RELN: variants seen among roughly 807,000 people sequenced by gnomAD.
The protein encoded by RELN is reelin.
A neutral mutation model predicts 427.6 loss-of-function variants in RELN; 108 were observed. The observed-to-expected ratio is 0.25, with a 90% CI of 0.22 to 0.30. RELN has a LOEUF of 0.30. Among genes scored for constraint, RELN ranks in the 10% least tolerant of loss-of-function variants. The pLI is 1.00. For missense variants in RELN, 3,715 were observed against 4,302.8 expected (o/e 0.86, Z 3.82); for synonymous variants, 1,524 against 1,513.4 (o/e 1.01, Z -0.16).
intron 4 of RELN, among the ~76,000 whole-genome samples, chr7:103,754,442 T>A (rs1363423748): frequency 6.6e-6 from 1 of 151,672 alleles, no homozygotes; most frequent in Non-Finnish European, 1.5e-5. Context: ...GTGGTGGAGT[T>A]ACAAAAGGAA....
intron 28 of RELN, among the ~76,000 whole-genome samples, chr7:103,581,704 G>A (rs1345638500): frequency 6.6e-6 from 1 of 152,062 alleles, no homozygotes; most frequent in Non-Finnish European, 1.5e-5. Context: ...TTTAAATCTA[G>A]ACTGACTTTG....
intron 31 of RELN, among the ~76,000 whole-genome samples, chr7:103,570,793 AG>A (rs1830865416): frequency 6.6e-6 from 1 of 152,220 alleles, no homozygotes. Context: ...AATGTAGCAC[AG>A]GGGAGAAATC....
intron 3 of RELN, among the ~76,000 whole-genome samples, chr7:103,800,574 T>C (rs1405383430): frequency 6.6e-6 from 1 of 152,132 alleles, no homozygotes. Context: ...TATACAAAAA[T>C]TAATTCAAGA....
At chr7:103,698,738 C>A (rs1346229865) in intron 9 of RELN, among the ~76,000 whole-genome samples, 1 of 151,938 alleles carries the variant, frequency 6.6e-6, no homozygotes. Context: ...TGGTCTCAAA[C>A]TCCTGGGCTC....
chr7:103,677,966 G>C (rs567169716), intron 11 of RELN, among the ~76,000 whole-genome samples: 1 of 151,928 alleles, frequency 6.6e-6, no homozygotes, highest in Admixed American at 6.6e-5. Flanking sequence ...GCTCTCTCTG[G>C]TCCAACTACA....
chr7:103,647,297 T>C (rs988263585), intron 16 of RELN, among the ~76,000 whole-genome samples: 1 of 152,008 alleles, frequency 6.6e-6, no homozygotes, highest in Non-Finnish European at 1.5e-5. Context: ...TATGATCTTA[T>C]ACCTAAAAAA....
At chr7:103,515,739 T>C (rs1267456144) in intron 49 of RELN, among the ~76,000 whole-genome samples, 1 of 152,186 alleles carries the variant, frequency 6.6e-6, no homozygotes, top group African/African-American at 2.4e-5. Context: ...ACCTGGTGGG[T>C]ATCTGTAGGC....
At chr7:103,875,266 C>A (rs997629290) in intron 2 of RELN, among the ~76,000 whole-genome samples, 2 of 150,106 alleles carry the variant, frequency 1.3e-5, no homozygotes, top group African/African-American at 4.9e-5. Context: ...TAGAAGAAAA[C>A]CTAGGCATTA....
intron 10 of RELN, among the ~76,000 whole-genome samples, chr7:103,697,005 T>C (rs1833990447): frequency 6.6e-6 from 1 of 152,196 alleles, no homozygotes; most frequent in African/African-American, 2.4e-5. Context: ...CCAAGACTTT[T>C]ACTTTGTGCT....
At chr7:103,599,912 T>C (rs1831624971) in intron 24 of RELN, among the ~76,000 whole-genome samples, 1 of 152,144 alleles carries the variant, frequency 6.6e-6, no homozygotes, top group Non-Finnish European at 1.5e-5. Flanking sequence ...TATTTATTTA[T>C]TTGAGACAGG....
At chr7:103,791,667 T>C (rs1792164495) in intron 3 of RELN, among the ~76,000 whole-genome samples, 1 of 152,074 alleles carries the variant, frequency 6.6e-6, no homozygotes, top group African/African-American at 2.4e-5. Flanking sequence ...CATGACTTGA[T>C]ACTTGGCAGC....
intron 2 of RELN, among the ~76,000 whole-genome samples, chr7:103,893,189 C>T (rs984457916): frequency 6.6e-6 from 1 of 152,132 alleles, no homozygotes; most frequent in African/African-American, 2.4e-5. Flanking sequence ...CAGCACTCAG[C>T]TAGGGAGAGC....
At chr7:103,657,841 G>C (rs1454501307) in intron 12 of RELN, among the ~76,000 whole-genome samples, 1 of 152,110 alleles carries the variant, frequency 6.6e-6, no homozygotes, top group African/African-American at 2.4e-5. Flanking sequence ...GAGGCATCTT[G>C]TACAGAAATT....
At chr7:103,637,948 G>A (rs993748838) in intron 17 of RELN, among the ~76,000 whole-genome samples, 2 of 152,110 alleles carry the variant, frequency 1.3e-5, no homozygotes, top group African/African-American at 4.8e-5. Flanking sequence ...ACTGGTGATC[G>A]TTTAGAGATG....
chr7:103,932,209 G>T (rs764883124), intron 1 of RELN, among the ~76,000 whole-genome samples: 2 of 152,216 alleles, frequency 1.3e-5, no homozygotes, highest in Non-Finnish European at 2.9e-5. Context: ...CACAGCCATA[G>T]AAAAGAACAA....
chr7:103,700,657 A>C (rs1834070684), intron 9 of RELN, among the ~76,000 whole-genome samples: 2 of 152,148 alleles, frequency 1.3e-5, no homozygotes, highest in Admixed American at 1.3e-4. Context: ...ATGATTGCAA[A>C]TTTACTTTTA....
chr7:103,771,888 A>G (rs758734035), intron 4 of RELN, among the ~76,000 whole-genome samples: 1 of 152,156 alleles, frequency 6.6e-6, no homozygotes, highest in Non-Finnish European at 1.5e-5. Flanking sequence ...CTGCCTGTCC[A>G]TCATCTGCCT....
In RELN at chr7:103,698,001, T is replaced by G. The variant is rs964674328; in HGVS notation, c.995A>C (p.Asn332Thr). 1.2e-6 allele frequency: 2 copies of G among 1,613,826 alleles called. No homozygotes were observed. The highest frequency in any genetic ancestry group is 1.7e-5 in the Admixed American group (1 of 59,950). The stretch of plus-strand genomic sequence containing the variant: ...TTCATACACTTCACCTACACGAAGA[T>G]TTTCCTGCTTCCACTGAAATTGGAC... ...ENVQFQWKQE[N>T]LRVGEVYEAC... Residue 332 changes from asparagine (N) to threonine (T), a missense_variant, in exon 10 of 65, where the codon AAT becomes ACT. Around this residue, in one of 4 missense-constraint regions of RELN, gnomAD observed 2,208 missense variants for 2,361.7 expected, o/e 0.93. Transcript: ENST00000428762.
intron 6 of RELN, among the ~76,000 whole-genome samples, chr7:103,743,091 G>C (rs1021784924): frequency 1.0e-4 from 15 of 149,714 alleles, no homozygotes; most frequent in Non-Finnish European, 1.8e-4. Flanking sequence ...AGCCAGAAGA[G>C]AGTGGGGGCC....
Sources: allele counts gnomAD v4.1 joint callset (sites outside exome capture counted in the v4.1 genomes callset), GRCh38; gene constraint gnomAD v4.1.1; regional missense constraint gnomAD v4.1.1; transcripts MANE v1.5; gene names NCBI Gene and HGNC (gene_info 2026-07-23, HGNC 2026-07-21).